CLASP1: variants seen among roughly 807,000 people sequenced by gnomAD.
CLASP1 encodes cytoplasmic linker associated protein 1.
In CLASP1, 38 loss-of-function variants were observed where a neutral mutation model predicts 192.3. The ratio of observed to expected loss-of-function variants is 0.20; its 90% CI spans 0.15 to 0.26. The LOEUF (loss-of-function observed/expected upper bound fraction) is 0.26. Ranked by LOEUF, CLASP1 falls within the 10% of genes least tolerant of loss-of-function variation. The pLI is 1.00. For synonymous variants in CLASP1, 691 were observed against 712.8 expected, an observed-to-expected ratio of 0.97 and a Z score of 0.49; for missense variants, 1,433 against 1,932.5, an observed-to-expected ratio of 0.74 and a Z score of 4.85.
intron 32 of CLASP1, among the ~76,000 whole-genome samples, chr2:121,384,125 C>T (rs1460653157): frequency 7.5e-6 from 1 of 133,478 alleles, no homozygotes; most frequent in African/African-American, 2.7e-5. Flanking sequence ...TATATACACA[C>T]ATATATATGT....
intron 9 of CLASP1, among the ~76,000 whole-genome samples, chr2:121,466,701 AG>A (rs2089659203): frequency 6.6e-6 from 1 of 152,362 alleles, no homozygotes; most frequent in South Asian, 2.1e-4. Context: ...TAGGGGTGAA[AG>A]GAAGAATTTA....
At chr2:121,528,534 T>A in intron 4 of CLASP1, 143 bp downstream of exon 4, 4 of 661,244 alleles carry the variant, frequency 6.0e-6, no homozygotes, top group East Asian at 5.1e-5. Flanking sequence ...GGAAACAGAT[T>A]GAATGCTGTG....
chr2:121,604,970 C>A (rs1427263654), intron 2 of CLASP1, among the ~76,000 whole-genome samples: 2 of 152,210 alleles, frequency 1.3e-5, no homozygotes, highest in Admixed American at 6.5e-5. Context: ...GAAAAGAGAG[C>A]ATAAGGGGAT....
At chr2:121,373,554 T>G (rs886548295) in intron 34 of CLASP1, among the ~76,000 whole-genome samples, 2 of 152,132 alleles carry the variant, frequency 1.3e-5, no homozygotes, top group Non-Finnish European at 2.9e-5. Context: ...GAAAGAAAGT[T>G]TGAAACTTCC....
chr2:121,401,595 A>C lies in CLASP1; in HGVS notation c.2814T>G (p.Val938=), dbSNP rs778155520. ...TTTTCTTAAGTAATTGTGTGAGAAG[A>C]ACAAAAAGCCAGTCTTGTAAATCAT... The change falls in exon 28 of 40, where the codon GTT becomes GTG. Residue 938 remains valine (V), a synonymous_variant. Coordinates refer to ENST00000263710, the Ensembl canonical transcript of CLASP1. The C allele has an allele frequency of 1.9e-6, 3 of 1,612,826 alleles. No individual in the cohort carries two copies. The African/African-American group carries it at 4.0e-5, about 22-fold the overall frequency.
Position 121,451,207 on chromosome 2 carries a change from AC to A in CLASP1, c.1446-218del, listed in dbSNP as rs377085460. Among the ~76,000 whole-genome samples, 33 of 152,312 alleles carry A rather than the reference AC, an allele frequency of 2.2e-4. No individual in the cohort carries two copies. The South Asian group carries it at 5.0e-3, about 23-fold the overall frequency. ...CAACACCCTAGCGCCACTCCAACCTACCCACGCCTAAGGACTTTGATAACCC... is the reference window on the plus strand; with the variant it reads ...CAACACCCTAGCGCCACTCCAACCTACCACGCCTAAGGACTTTGATAACCC... On this transcript the variant is annotated intron_variant, in intron 15 of 39. Coordinates refer to ENST00000263710, the Ensembl canonical transcript of CLASP1.
rs560007994 is a variant in CLASP1 at position 121,534,664 on chromosome 2, A to G, written c.196-4339T>C. ...GAGATTCTCGTGCTTCAGCCTCCCA[A>G]GTAGCTGGGACGTGTTATCAGCCCA... On this transcript the variant is annotated intron_variant, in intron 2 of 39. Coordinates refer to ENST00000263710, the Ensembl canonical transcript of CLASP1. Among the ~76,000 whole-genome samples, 3 of 148,064 alleles carry G rather than the reference A, an allele frequency of 2.0e-5. No homozygotes were observed. In the East Asian group the frequency reaches 5.8e-4, roughly 29 times the overall value.
At chr2:121,548,598 G>A (rs1381362019) in intron 2 of CLASP1, among the ~76,000 whole-genome samples, 1 of 152,098 alleles carries the variant, frequency 6.6e-6, no homozygotes, top group Non-Finnish European at 1.5e-5. Context: ...TCACCCCCAA[G>A]ACACATAATC....
chr2:121,415,525 CAT>C (rs1418881597), intron 23 of CLASP1, among the ~76,000 whole-genome samples: 1 of 152,162 alleles, frequency 6.6e-6, no homozygotes, highest in Admixed American at 6.5e-5. Flanking sequence ...ATTCTGTCCT[CAT>C]GTGGATAGAA....
intron 1 of CLASP1, among the ~76,000 whole-genome samples, chr2:121,612,892 GAGA>G (rs1196179244): frequency 2.6e-5 from 4 of 152,174 alleles, no homozygotes; most frequent in Non-Finnish European, 4.4e-5. Flanking sequence ...CAGTGTTACA[GAGA>G]AGAATTACCT....
At chr2:121,563,476 A>G (rs985077218) in intron 2 of CLASP1, among the ~76,000 whole-genome samples, 2 of 152,228 alleles carry the variant, frequency 1.3e-5, no homozygotes, top group African/African-American at 4.8e-5. Flanking sequence ...CCATGCTTTT[A>G]GCCAAAAAAT....
intron 2 of CLASP1, among the ~76,000 whole-genome samples, chr2:121,595,653 C>G (rs2063045957): frequency 6.6e-6 from 1 of 152,198 alleles, no homozygotes; most frequent in Non-Finnish European, 1.5e-5. Context: ...CACAGACTTC[C>G]CAGCCAGCTG....
At chr2:121,444,036 G>A (rs898540597) in intron 19 of CLASP1, among the ~76,000 whole-genome samples, 2 of 152,198 alleles carry the variant, frequency 1.3e-5, no homozygotes, top group Non-Finnish European at 2.9e-5. Flanking sequence ...GTGGGTTTAA[G>A]CCTCTATTTA....
At chr2:121,345,138 C>T (rs935409106) in intron 39 of CLASP1, among the ~76,000 whole-genome samples, 1 of 152,180 alleles carries the variant, frequency 6.6e-6, no homozygotes, top group Non-Finnish European at 1.5e-5. Context: ...CAGAGCGAGG[C>T]TCCATATAAA....
At chr2:121,478,887 CCA>C (rs772034863) in intron 8 of CLASP1, among the ~76,000 whole-genome samples, 9,524 of 65,634 alleles carry the variant, frequency 0.15, 844 homozygotes, top group Middle Eastern at 0.26. Context: ...CACACACACA[CCA>C]CACACACACA....
chr2:121,446,939 T>C (rs1388002684), intron 19 of CLASP1, among the ~76,000 whole-genome samples: 3 of 152,156 alleles, frequency 2.0e-5, no homozygotes, highest in African/African-American at 7.2e-5. Context: ...CTAATGACAC[T>C]GACTACCTTT....
At chr2:121,630,266 C>T (rs1380880141) in intron 1 of CLASP1, among the ~76,000 whole-genome samples, 1 of 151,924 alleles carries the variant, frequency 6.6e-6, no homozygotes, top group Admixed American at 6.6e-5. Flanking sequence ...CCAATAAATT[C>T]CAGAAAGTTG....
chr2:121,545,823 C>G (rs577377616), intron 2 of CLASP1, among the ~76,000 whole-genome samples: 1 of 151,780 alleles, frequency 6.6e-6, no homozygotes, highest in East Asian at 1.9e-4. Flanking sequence ...GATCAAAAGA[C>G]TCATCTTGAT....
intron 8 of CLASP1, among the ~76,000 whole-genome samples, chr2:121,494,929 G>C (rs1193806899): frequency 2.6e-5 from 4 of 152,136 alleles, no homozygotes; most frequent in Non-Finnish European, 5.9e-5. Flanking sequence ...GACTGAGGCA[G>C]AAGAATCACT....
Sources: gnomAD v4.1 joint callset for allele counts (sites outside exome capture counted in the v4.1 genomes callset) on GRCh38, gnomAD v4.1.1 for gene constraint, MANE v1.5 for transcripts, NCBI Gene and HGNC (gene_info 2026-07-23, HGNC 2026-07-21) for gene names.